The following DGUOK variants were observed in gnomAD, a reference collection of about 807,000 sequenced individuals.
The protein encoded by DGUOK is deoxyguanosine kinase, mitochondrial.
A neutral mutation model predicts 36.6 loss-of-function variants in DGUOK; 30 were observed. The ratio of observed to expected loss-of-function variants is 0.82; its 90% confidence interval spans 0.61 to 1.11. The LOEUF (loss-of-function observed/expected upper bound fraction) is 1.11. Among genes scored for constraint, DGUOK ranks in the 50% most tolerant of loss-of-function variants. The pLI, the probability that DGUOK is intolerant of heterozygous loss-of-function variation, is 0.00. For missense variants in DGUOK, 361 were observed against 336.4 expected, an observed-to-expected ratio of 1.07 and a Z score of -0.57; for synonymous variants, 145 against 126.3, an observed-to-expected ratio of 1.15 and a Z score of -0.99.
Position 73,958,253 on chromosome 2 carries a change from G to T in DGUOK, c.807+8G>T. The T allele has an allele frequency of 6.2e-7, 1 of 1,601,316 alleles. No homozygotes were observed. Among genetic ancestry groups the T allele is most frequent in the South Asian group, 1.1e-5 (1 of 90,700 alleles). ...GAAGACCTCATGAGAGAGGTGGGAA[G>T]GACTTTAACTCCTGTTTTCTGGTGG... On this transcript the variant is annotated splice_region_variant and intron_variant, in intron 6 of 6. Transcript: ENST00000264093.
At chr2:73,946,117 C>A (rs989849842) in intron 2 of DGUOK, among the ~76,000 whole-genome samples, 23 of 151,512 alleles carry the variant, frequency 1.5e-4, no homozygotes, top group Non-Finnish European at 2.5e-4. Flanking sequence ...CTTGCACATG[C>A]CGAGTAAGTG....
intron 4 of DGUOK, 143 bp from the exon 5 acceptor site, chr2:73,956,982 T>A: frequency 1.8e-6 from 1 of 548,960 alleles, no homozygotes; most frequent in Non-Finnish European, 3.4e-6. Context: ...TCTGATTGCA[T>A]AAGAAAACAA....
intron 5 of DGUOK, chr2:73,957,907 A>G: frequency 2.4e-6 from 1 of 421,620 alleles, no homozygotes; most frequent in Non-Finnish European, 4.5e-6. Context: ...TCCACTTAAA[A>G]TGTTTGGTGC....
At position 73,926,948 on chromosome 2, in the gene DGUOK, C is replaced by T. The variant is rs1184935461; in HGVS notation, c.38C>T (p.Ala13Val). Residue 13 changes from alanine to valine, a missense_variant, in exon 1 of 7, where the codon GCA becomes GTA. Transcript: ENST00000264093. ...CGCCTCTTTCTAAGTCGGCTTCGAG[C>T]ACCCTTCAGTTCCATGGCCAAGAGC... The part of the protein sequence containing the change: ...AGRLFLSRLR[A>V]PFSSMAKSPL... 1.2e-6 allele frequency: 2 copies of T among 1,613,430 alleles called. No homozygotes were observed. The highest frequency in any genetic ancestry group is 8.5e-7 in the Non-Finnish European group (1 of 1,180,044).
At chr2:73,933,524 G>A (rs754693605) in intron 1 of DGUOK, among the ~76,000 whole-genome samples, 1 of 152,220 alleles carries the variant, frequency 6.6e-6, no homozygotes, top group Non-Finnish European at 1.5e-5. Context: ...GGCAAGGCGG[G>A]AGGAGGGGAT....
intron 4 of DGUOK, among the ~76,000 whole-genome samples, chr2:73,956,712 G>T (rs1683120014): frequency 6.6e-6 from 1 of 152,196 alleles, no homozygotes; most frequent in Non-Finnish European, 1.5e-5. Flanking sequence ...GAACCAGAAG[G>T]CTCTTGCCAT....
intron 2 of DGUOK, among the ~76,000 whole-genome samples, chr2:73,945,761 CTG>C (rs1480776321): frequency 6.6e-6 from 1 of 152,222 alleles, no homozygotes; most frequent in Admixed American, 6.5e-5. Flanking sequence ...AGAAAAGAAT[CTG>C]GGGCTGGGCG....
At chr2:73,936,776 G>T (rs181314610) in intron 1 of DGUOK, among the ~76,000 whole-genome samples, 87 of 152,258 alleles carry the variant, frequency 5.7e-4, no homozygotes, top group African/African-American at 2.0e-3. Flanking sequence ...GTTGTAATTT[G>T]TTTTCTACCC....
At position 73,958,300 on chromosome 2, in the gene DGUOK, C is replaced by G. The variant is rs1023154905; in HGVS notation, c.807+55C>G. On this transcript the variant is annotated intron_variant, in intron 6 of 6. Coordinates refer to ENST00000264093, the MANE Select transcript of DGUOK (RefSeq NM_080916.3). ...GTGGTTTCCTTTGTTGTACTTTTAT[C>G]TTTCTGGCCTTTGCTTCAAAGTTCA... 13 of 1,411,980 alleles carry G rather than the reference C, an allele frequency of 9.2e-6. No individual in the cohort carries two copies. The African/African-American group carries it at 1.8e-4, about 20-fold the overall frequency. The allele number at this position is 1,411,980 out of a possible 1,614,324, so 87.5% of individuals were successfully genotyped here.
rs756452893 is a variant in DGUOK, at chr2:73,957,260, T to C, written c.707+20T>C. ...AACGAAGTAAGTGGGGAGAAAAGAA[T>C]GTATCAGAGACAGAGACCTGGCTCC... On this transcript the variant is annotated intron_variant, in intron 5 of 6. Transcript: ENST00000264093. 6.3e-7 allele frequency: 1 copy of C among 1,593,716 alleles called. No homozygotes were observed. The highest frequency in any genetic ancestry group is 1.1e-5 in the South Asian group (1 of 90,246).
At chr2:73,944,752 G>C (rs1682160436) in intron 2 of DGUOK, among the ~76,000 whole-genome samples, 1 of 152,308 alleles carries the variant, frequency 6.6e-6, no homozygotes, top group African/African-American at 2.4e-5. Flanking sequence ...GCCCACTGGT[G>C]CAATAGAACC....
At chr2:73,943,932 C>G (rs1372464726) in intron 2 of DGUOK, among the ~76,000 whole-genome samples, 1 of 152,168 alleles carries the variant, frequency 6.6e-6, no homozygotes, top group Non-Finnish European at 1.5e-5. Flanking sequence ...CAGGCATGAG[C>G]CACCATGTCC....
intron 2 of DGUOK, among the ~76,000 whole-genome samples, chr2:73,942,766 TA>T (rs1397903591): frequency 1.3e-5 from 2 of 152,204 alleles, no homozygotes; most frequent in Non-Finnish European, 2.9e-5. Context: ...GTAGTTTCCT[TA>T]TCTTGTTCTG....
intron 2 of DGUOK, among the ~76,000 whole-genome samples, chr2:73,941,163 G>A (rs770677820): frequency 1.3e-5 from 2 of 152,204 alleles, no homozygotes; most frequent in African/African-American, 2.4e-5. Context: ...GGGGCCACAC[G>A]GAAGGAACTG....
intron 4 of DGUOK, 150 bp downstream of exon 4, chr2:73,950,882 C>T (rs1682659491): frequency 1.9e-6 from 2 of 1,041,264 alleles, no homozygotes; most frequent in African/African-American, 1.6e-5. Context: ...CCTGTCCCAG[C>T]GTTGAGCACC....
chr2:73,936,284 G>A (rs1681458703), intron 1 of DGUOK, among the ~76,000 whole-genome samples: 1 of 152,216 alleles, frequency 6.6e-6, no homozygotes, highest in African/African-American at 2.4e-5. Flanking sequence ...CAGAGCTAGA[G>A]AAGTCCTGAA....
chr2:73,957,354 A>G lies in DGUOK; in HGVS notation c.707+114A>G, dbSNP rs563348129. The stretch of plus-strand genomic sequence containing the variant: ...TAGGAAGGTTCAGAATATACTGGAA[A>G]TGGTTGGAAATGTCAAGCATTTTCC... On this transcript the variant is annotated intron_variant, in intron 5 of 6. Coordinates refer to ENST00000264093, the MANE Select transcript of DGUOK (RefSeq NM_080916.3). 1.5e-4 allele frequency: 118 copies of G among 789,478 alleles called. No individual in the cohort carries two copies. In the African/African-American group the frequency reaches 1.7e-3, roughly 12 times the overall value. 48.9% of individuals were successfully genotyped at this position (789,478 alleles called of 1,614,324 possible). A position where few individuals can be genotyped will look rare whatever the true frequency, so the allele number is the denominator to read the frequency against.
In DGUOK at chr2:73,958,226, A is replaced by G; in HGVS notation, c.788A>G (p.Gln263Arg). Reference protein sequence around the residue: ...NDDFSEEVTKQEDLMREVNTF... With the variant: ...NDDFSEEVTKREDLMREVNTF... Reference sequence around the variant, plus strand: ...GATTTTTCTGAGGAAGTAACCAAACAAGAAGACCTCATGAGAGAGGTGGGA... The same window carrying G: ...GATTTTTCTGAGGAAGTAACCAAACGAGAAGACCTCATGAGAGAGGTGGGA... Residue 263 changes from glutamine (Q) to arginine (R), a missense_variant, in exon 6 of 7, where the codon CAA (glutamine) becomes CGA (arginine). Transcript: ENST00000264093. 1 of 1,613,678 alleles carries G rather than the reference A, an allele frequency of 6.2e-7. No individual in the cohort carries two copies. The highest frequency in any genetic ancestry group is 8.5e-7 in the Non-Finnish European group (1 of 1,179,664).
At position 73,954,323 on chromosome 2, in the gene DGUOK, A is replaced by C. The variant is rs535981258; in HGVS notation, c.592-2802A>C. 8.3e-4 allele frequency among the ~76,000 whole-genome samples: 127 copies of C among 152,256 alleles called. 2 individuals carry two copies. The South Asian group carries it at 9.1e-3, about 11-fold the overall frequency. ...ACACCACTGCATTTCAGCCTAGGCCACAAAGCAAGACCCTGTCTCAAATAA... is the reference window on the plus strand; with the variant it reads ...ACACCACTGCATTTCAGCCTAGGCCCCAAAGCAAGACCCTGTCTCAAATAA... On this transcript the variant is annotated intron_variant, in intron 4 of 6. Transcript: ENST00000264093.
Sources: allele counts gnomAD v4.1 joint callset (sites outside exome capture counted in the v4.1 genomes callset), GRCh38; gene constraint gnomAD v4.1.1; transcripts MANE v1.5; gene names NCBI Gene and HGNC (gene_info 2026-07-23, HGNC 2026-07-21).